Variants in SNX32 observed in about 807,000 individuals in gnomAD.
SNX32 encodes the protein sorting nexin 32.
A neutral mutation model predicts 57.0 loss-of-function variants in SNX32; 58 were observed. The ratio of observed to expected loss-of-function variants is 1.02; its 90% CI spans 0.82 to 1.27. The LOEUF (loss-of-function observed/expected upper bound fraction) is 1.27, where lower values mean the gene tolerates loss of function less well. Ranked by LOEUF, SNX32 falls within the 50% of genes most tolerant of loss-of-function variation. The probability of loss-of-function intolerance (pLI) is 0.00; values close to 1 mark genes in which losing one functional copy is unlikely to be tolerated. For synonymous variants in SNX32, 262 were observed against 220.4 expected (o/e 1.19, Z -1.67); for missense variants, 589 against 541.2 (o/e 1.09, Z -0.88).
intron 12 of SNX32, 46 bp from the exon 13 acceptor site, chr11:65,853,236 T>C (rs1228264595): frequency 1.2e-6 from 2 of 1,613,510 alleles, no homozygotes; most frequent in African/African-American, 1.3e-5. Flanking sequence ...AATGGCAGCC[T>C]GACTCAGGGA....
chr11:65,853,168 G>T, intron 12 of SNX32, 114 bp from the exon 13 acceptor site: 1 of 1,468,266 alleles, frequency 6.8e-7, no homozygotes, highest in Non-Finnish European at 9.5e-7. Flanking sequence ...ATTAACAGCA[G>T]CTGTTATTGC....
chr11:65,844,937 G>T (rs1482038418), intron 1 of SNX32, among the ~76,000 whole-genome samples: 1 of 146,668 alleles, frequency 6.8e-6, no homozygotes, highest in Non-Finnish European at 1.5e-5. Context: ...CTGCACTCCA[G>T]CCTGGGTGAC....
At chr11:65,835,663 T>TAC (rs1858650448) in intron 1 of SNX32, 1 of 151,966 alleles carries the variant, frequency 6.6e-6, no homozygotes, top group African/African-American at 2.4e-5. Context: ...CTCAAGCAGC[T>TAC]ACCAAGCAGT....
Position 65,853,436 on chromosome 11 carries a change from C to A in SNX32, c.*101C>A. ...GATGTCTCCTTCCCTAGCAGTGCCACTAGCCACACCCTCACTCTGCCCCAC... is the reference window on the plus strand; with the variant it reads ...GATGTCTCCTTCCCTAGCAGTGCCAATAGCCACACCCTCACTCTGCCCCAC... On this transcript the variant is annotated 3_prime_UTR_variant, in exon 13 of 13. Transcript: ENST00000308342. The A allele has an allele frequency of 1.7e-6, 2 of 1,167,638 alleles. No individual in the cohort carries two copies. Among genetic ancestry groups the A allele is most frequent in the Admixed American group, 3.4e-5 (2 of 58,184 alleles). The allele number at this position is 1,167,638 out of a possible 1,614,324, so 72.3% of individuals were successfully genotyped here.
chr11:65,852,658 TG>T lies in SNX32; in HGVS notation c.943del (p.Ala315ProfsTer76). The stretch of plus-strand genomic sequence containing the variant: ...CTGCTGTACCGGCGGCTGCGGGCAC[TG>T]GCCGACTACGAGAATGCCAACAAGG... ...KDLLYRRLRA[L>X]ADYENANKAL... On this transcript the variant is annotated frameshift_variant, in exon 11 of 13. Transcript: ENST00000308342. LOFTEE classifies it high-confidence loss of function. The T allele has an allele frequency of 6.2e-7, 1 of 1,602,310 alleles. No homozygotes were observed. Among genetic ancestry groups the T allele is most frequent in the Non-Finnish European group, 8.5e-7 (1 of 1,176,194 alleles).
At chr11:65,847,054 T>C in intron 1 of SNX32, among the ~76,000 whole-genome samples, 1 of 150,394 alleles carries the variant, frequency 6.6e-6, no homozygotes, top group East Asian at 2.0e-4. Flanking sequence ...GTCACCTAGG[T>C]TGGAGTGCAG....
intron 1 of SNX32, among the ~76,000 whole-genome samples, chr11:65,839,223 G>GTTTGTTTTTTTTT (rs755185237): frequency 8.7e-5 from 2 of 23,078 alleles, no homozygotes; most frequent in Non-Finnish European, 1.4e-4. Context: ...TAATTTTTTT[G>GTTTGTTTTTTTTT]TATTTTTTTT....
intron 1 of SNX32, among the ~76,000 whole-genome samples, chr11:65,838,048 C>T (rs1489227410): frequency 6.6e-6 from 1 of 151,756 alleles, no homozygotes; most frequent in Non-Finnish European, 1.5e-5. Flanking sequence ...CCCAGCTACT[C>T]GGGAGGCTGA....
At chr11:65,838,875 G>A (rs2134688605) in intron 1 of SNX32, among the ~76,000 whole-genome samples, 1 of 152,016 alleles carries the variant, frequency 6.6e-6, no homozygotes, top group Admixed American at 6.6e-5. Context: ...TTAGGCCAAA[G>A]AAGAAATTAT....
rs1172520784 is a variant in SNX32 at position 65,849,550 on chromosome 11, C to G, written c.109C>G (p.Arg37Gly). The change falls in exon 2 of 13, where the codon CGG becomes GGG. Residue 37 changes from arginine (R) to glycine (G), a missense_variant. Transcript: ENST00000308342. ...QVEISDAVSE[R>G]DKVKFTVQTK... is the part of the protein sequence containing the mutation. ...GGAGATTTCTGACGCAGTGAGTGAGCGGGACAAGGTGAAATTCACTGTTCA... is the reference window on the plus strand; with the variant it reads ...GGAGATTTCTGACGCAGTGAGTGAGGGGGACAAGGTGAAATTCACTGTTCA... 1 of 1,614,084 alleles carries G rather than the reference C, an allele frequency of 6.2e-7. No homozygotes were observed.
intron 1 of SNX32, 150 bp from the exon 2 acceptor site, chr11:65,849,328 T>C (rs1458921031): frequency 3.2e-6 from 2 of 628,530 alleles, no homozygotes; most frequent in Non-Finnish European, 5.6e-6. Flanking sequence ...CTCAGGTCAG[T>C]GCCTTATCAG....
chr11:65,845,597 G>T (rs1858971214), intron 1 of SNX32, among the ~76,000 whole-genome samples: 1 of 151,898 alleles, frequency 6.6e-6, no homozygotes, highest in Admixed American at 6.6e-5. Context: ...AATTAGCCAG[G>T]CATGCTGGCC....
intron 1 of SNX32, among the ~76,000 whole-genome samples, chr11:65,842,618 A>C (rs1302345946): frequency 6.6e-6 from 1 of 151,652 alleles, no homozygotes; most frequent in Non-Finnish European, 1.5e-5. Context: ...GTGCCACTGC[A>C]CTCCAGCCTG....
chr11:65,850,391 G>T, intron 4 of SNX32, 40 bp from the exon 5 acceptor site: 1 of 1,612,870 alleles, frequency 6.2e-7, no homozygotes, highest in Non-Finnish European at 8.5e-7. Context: ...CAGGATGATG[G>T]GGGCTGAGGA....
rs189926462 is a variant in SNX32 at position 65,836,527 on chromosome 11, G to A, written c.36+2426G>A. Among the ~76,000 whole-genome samples the A allele has an allele frequency of 2.6e-5, 4 of 152,280 alleles. No individual in the cohort carries two copies. The East Asian group carries it at 7.7e-4, about 29-fold the overall frequency. On this transcript the variant is annotated intron_variant, in intron 1 of 12. Coordinates refer to ENST00000308342, the MANE Select transcript of SNX32 (RefSeq NM_152760.3). ...CCATTGAACTCTAGCCTGGGCAACA[G>A]AGCGAGAATCTGTCTCAAAAATAAA...
At chr11:65,841,031 T>G (rs1359583291) in intron 1 of SNX32, among the ~76,000 whole-genome samples, 1 of 151,672 alleles carries the variant, frequency 6.6e-6, no homozygotes, top group African/African-American at 2.4e-5. Flanking sequence ...CCGCCACCTC[T>G]GCCTCCGGGT....
rs1859141719 is a variant in SNX32, at chr11:65,850,460, T to C, written c.404T>C (p.Val135Ala). The change falls in exon 5 of 13, where the codon GTT (valine) becomes GCT (alanine). Residue 135 changes from valine to alanine, a missense_variant. Physicochemically the swap from Val to Ala is moderately conservative, Grantham distance 64. Coordinates refer to ENST00000308342, the MANE Select transcript of SNX32 (RefSeq NM_152760.3). Reference sequence around the variant, plus strand: ...TACCTGGCCATCTTTAAGAAGACAGTTGCGATGCACGAAGTCTTTCTGCAG... The same window carrying C: ...TACCTGGCCATCTTTAAGAAGACAGCTGCGATGCACGAAGTCTTTCTGCAG... ...AEYLAIFKKT[V>A]AMHEVFLQRL... The C allele has an allele frequency of 1.2e-6, 2 of 1,614,082 alleles. No homozygotes were observed. The highest frequency in any genetic ancestry group is 2.2e-5 in the South Asian group (2 of 91,090).
rs188646338 is a variant in SNX32 at position 65,850,279 on chromosome 11, C to T, written c.374+8C>T. ...GAAGCAGGAGCTGGAAGCGTGAGTGCCCCCTCCTTTCCCTGCCATCCCCAG... is the reference window on the plus strand; with the variant it reads ...GAAGCAGGAGCTGGAAGCGTGAGTGTCCCCTCCTTTCCCTGCCATCCCCAG... On this transcript the variant is annotated splice_region_variant and intron_variant, in intron 4 of 12. Coordinates refer to ENST00000308342, the MANE Select transcript of SNX32 (RefSeq NM_152760.3). The T allele has an allele frequency of 2.9e-5, 46 of 1,614,024 alleles. No homozygotes were observed. The highest frequency in any genetic ancestry group is 3.9e-5 in the Non-Finnish European group (46 of 1,180,050).
chr11:65,835,299 A>G (rs1287959147), intron 1 of SNX32, among the ~76,000 whole-genome samples: 1 of 125,486 alleles, frequency 8.0e-6, no homozygotes, highest in African/African-American at 3.0e-5. Context: ...CCTCCCCAAG[A>G]CCAACTCAGG....
Sources: allele counts gnomAD v4.1 joint callset (sites outside exome capture counted in the v4.1 genomes callset), GRCh38; gene constraint gnomAD v4.1.1; transcripts MANE v1.5; gene names NCBI Gene and HGNC (gene_info 2026-07-23, HGNC 2026-07-21).